SOS1: variants seen among roughly 807,000 people sequenced by gnomAD.
The protein encoded by SOS1 is SOS Ras/Rac guanine nucleotide exchange factor 1, also known as son of sevenless homolog 1.
SOS1 carries 25 observed loss-of-function variants against 157.6 expected under a neutral mutation model. The ratio of observed to expected loss-of-function variants is 0.16; its 90% CI spans 0.12 to 0.22. SOS1 has a LOEUF of 0.22. Ranked by LOEUF, SOS1 falls within the 10% of genes least tolerant of loss-of-function variation. The pLI is 1.00. For synonymous variants in SOS1, 528 were observed against 534.0 expected (o/e 0.99, Z 0.16); for missense variants, 1,237 against 1,599.1 (o/e 0.77, Z 3.86).
chr2:39,091,004 G>C (rs1196685773), intron 1 of SOS1, among the ~76,000 whole-genome samples: 1 of 152,100 alleles, frequency 6.6e-6, no homozygotes, highest in Non-Finnish European at 1.5e-5. Context: ...GAGTAAATGG[G>C]ACTACCGGTG....
At position 39,051,223 on chromosome 2, in the gene SOS1, T is replaced by C. The variant is rs749132484; in HGVS notation, c.785A>G (p.His262Arg). ...IHELSVKLLG[H>R]IEDTVEMTDE... ...TGTCATTTCTACTGTATCTTCTATATGGCCCAGTAACTTTACACTAAGTTC... is the reference window on the plus strand; with the variant it reads ...TGTCATTTCTACTGTATCTTCTATACGGCCCAGTAACTTTACACTAAGTTC... The change falls in exon 6 of 23, where the codon CAT (histidine) becomes CGT (arginine). Residue 262 changes from histidine (H) to arginine (R), a missense_variant. Transcript: ENST00000402219. 3 of 1,612,366 alleles carry C rather than the reference T, an allele frequency of 1.9e-6. No homozygotes were observed. Among genetic ancestry groups the C allele is most frequent in the African/African-American group, 1.3e-5 (1 of 75,008 alleles).
rs540176947 is a variant in SOS1 at position 39,067,843 on chromosome 2, G to A, written c.88-90C>T. ...TTAAAAAATGTGGGTTTGTGGCCGG[G>A]CACGGTGGCTCATGCCTGTAATGCC... is the stretch of plus-strand genomic sequence containing the variant. On this transcript the variant is annotated intron_variant, in intron 1 of 22. Coordinates refer to ENST00000402219, the MANE Select transcript of SOS1 (RefSeq NM_005633.4). 7 of 1,165,310 alleles carry A rather than the reference G, an allele frequency of 6.0e-6. No homozygotes were observed. In the East Asian group the frequency reaches 1.5e-4, roughly 24 times the overall value. 72.2% of individuals were successfully genotyped at this position (1,165,310 alleles called of 1,614,324 possible). A position where few individuals can be genotyped will look rare whatever the true frequency, so the allele number is the denominator to read the frequency against.
intron 8 of SOS1, chr2:39,034,756 A>T (rs1670285304): frequency 2.2e-6 from 1 of 454,860 alleles, no homozygotes; most frequent in Non-Finnish European, 4.4e-6. Context: ...GAGCTATGAA[A>T]GTCAGGTAAA....
intron 1 of SOS1, among the ~76,000 whole-genome samples, chr2:39,102,231 G>A (rs1470526648): frequency 4.9e-3 from 87 of 17,872 alleles, no homozygotes; most frequent in Non-Finnish European, 9.0e-3. Context: ...AAAAAAAAAA[G>A]TGCCACTTTG....
chr2:39,020,805 G>A (rs1282953285), intron 10 of SOS1, among the ~76,000 whole-genome samples: 1 of 151,622 alleles, frequency 6.6e-6, no homozygotes. Context: ...CACAACTCAC[G>A]AAAGCTGCTT....
chr2:39,053,375 T>C (rs1288548796), intron 5 of SOS1, among the ~76,000 whole-genome samples: 9 of 152,186 alleles, frequency 5.9e-5, no homozygotes, highest in Non-Finnish European at 1.5e-5. Flanking sequence ...GTTGAACACC[T>C]TTTGATGTGC....
chr2:39,030,166 A>G (rs1288936666), intron 8 of SOS1, among the ~76,000 whole-genome samples: 2 of 151,296 alleles, frequency 1.3e-5, no homozygotes, highest in African/African-American at 4.9e-5. Context: ...ACTCCATCTC[A>G]ATAAATAAAT....
At chr2:39,089,997 AGGCATGGT>A (rs1023759441) in intron 1 of SOS1, among the ~76,000 whole-genome samples, 4 of 150,602 alleles carry the variant, frequency 2.7e-5, no homozygotes, top group African/African-American at 9.7e-5. Flanking sequence ...AAAATTAGCC[AGGCATGGT>A]GGCACACGCT....
chr2:38,990,611 G>A (rs1668703113), intron 20 of SOS1, among the ~76,000 whole-genome samples: 1 of 152,088 alleles, frequency 6.6e-6, no homozygotes, highest in South Asian at 2.1e-4. Flanking sequence ...ATATCTCCTG[G>A]AGATATGCCT....
In SOS1 at chr2:38,995,393, G is replaced by A; in HGVS notation, c.3082-6C>T. On this transcript the variant is annotated splice_region_variant and splice_polypyrimidine_tract_variant and intron_variant, in intron 19 of 22. Coordinates refer to ENST00000402219, the MANE Select transcript of SOS1 (RefSeq NM_005633.4). ...GGATAGCTATATTTTTTTGGCTGTAGACATATCAAAAGAAACACAATACTT... is the reference window on the plus strand; with the variant it reads ...GGATAGCTATATTTTTTTGGCTGTAAACATATCAAAAGAAACACAATACTT... The A allele has an allele frequency of 6.2e-7, 1 of 1,611,404 alleles. No homozygotes were observed. Among genetic ancestry groups the A allele is most frequent in the East Asian group, 2.2e-5 (1 of 44,854 alleles).
chr2:39,046,383 G>A (rs1572850953), intron 6 of SOS1, among the ~76,000 whole-genome samples: 2 of 151,620 alleles, frequency 1.3e-5, no homozygotes, highest in South Asian at 4.2e-4. Context: ...ATATAGTTTA[G>A]TCTTTCCAAG....
At position 38,986,302 on chromosome 2, in the gene SOS1, T is replaced by C; in HGVS notation, c.3524A>G (p.His1175Arg). Residue 1175 changes from histidine to arginine, a missense_variant, in exon 23 of 23, where the codon CAT becomes CGT. By Grantham distance (29) the His-to-Arg change is conservative. Coordinates refer to ENST00000402219, the MANE Select transcript of SOS1 (RefSeq NM_005633.4). ...ESSPSKIMSK[H>R]LDSPPAIPPR... is the part of the protein sequence containing the mutation. ...AGGAATGGCTGGGGGACTGTCCAAATGCTTAGACATAATCTAACAAATGAA... is the reference window on the plus strand; with the variant it reads ...AGGAATGGCTGGGGGACTGTCCAAACGCTTAGACATAATCTAACAAATGAA... 1 of 1,612,412 alleles carries C rather than the reference T, an allele frequency of 6.2e-7. No homozygotes were observed. The highest frequency in any genetic ancestry group is 8.5e-7 in the Non-Finnish European group (1 of 1,178,944).
intron 1 of SOS1, 102 bp downstream of exon 1, chr2:39,120,234 G>T: frequency 1.9e-6 from 2 of 1,056,498 alleles, no homozygotes; most frequent in East Asian, 3.3e-5. Context: ...CGGCGAGACC[G>T]GGAAGAAAGA....
chr2:39,065,885 G>T (rs1041017997), intron 2 of SOS1, among the ~76,000 whole-genome samples: 3 of 152,030 alleles, frequency 2.0e-5, no homozygotes. Flanking sequence ...CATTCTAGTA[G>T]GGAAAAAACT....
intron 1 of SOS1, among the ~76,000 whole-genome samples, chr2:39,097,410 A>G (rs1357355297): frequency 6.6e-6 from 1 of 152,190 alleles, no homozygotes; most frequent in Non-Finnish European, 1.5e-5. Flanking sequence ...TAAAAATGTA[A>G]ATTCCTGGAT....
rs772281929 is a variant in SOS1 at position 39,035,344 on chromosome 2, G to C, written c.976-34C>G. The stretch of plus-strand genomic sequence containing the variant: ...AAAAGTGATTTAATTTTTTTTTTAA[G>C]TTTACTTTTCAGACATTGTACATCT... On this transcript the variant is annotated intron_variant, in intron 7 of 22. Transcript: ENST00000402219. 4 of 1,600,994 alleles carry C rather than the reference G, an allele frequency of 2.5e-6. No individual in the cohort carries two copies. The Admixed American group carries it at 6.7e-5, about 27-fold the overall frequency.
intron 1 of SOS1, among the ~76,000 whole-genome samples, chr2:39,094,790 CTT>C (rs1322766835): frequency 3.3e-5 from 5 of 152,328 alleles, no homozygotes; most frequent in African/African-American, 9.6e-5. Context: ...TCTAAGGACT[CTT>C]TGTTTGGTTA....
At chr2:39,010,830 G>T in intron 14 of SOS1, 127 bp from the exon 15 acceptor site, 1 of 729,636 alleles carries the variant, frequency 1.4e-6, no homozygotes, top group Non-Finnish European at 2.3e-6. Context: ...CAACAGAAAG[G>T]TCTGTGAAAA....
chr2:39,034,788 G>GCCTTATCCTCACACTGGCTC (rs756818875), intron 8 of SOS1: 126 of 456,596 alleles, frequency 2.8e-4, no homozygotes, highest in East Asian at 1.8e-3. Context: ...CATTACTTTG[G>GCCTTATCCTCACACTGGCTC]CCTTATCCTC....
Sources: allele counts gnomAD v4.1 joint callset (sites outside exome capture counted in the v4.1 genomes callset), GRCh38; gene constraint gnomAD v4.1.1; transcripts MANE v1.5; gene names NCBI Gene and HGNC (gene_info 2026-07-23, HGNC 2026-07-21).